OSBPL2: variants seen among roughly 807,000 people sequenced by gnomAD.
OSBPL2 encodes oxysterol-binding protein-related protein 2.
A neutral mutation model predicts 58.4 loss-of-function variants in OSBPL2; 18 were observed. The observed-to-expected ratio is 0.31, with a 90% CI of 0.21 to 0.46. The LOEUF (loss-of-function observed/expected upper bound fraction) is 0.46, where lower values mean the gene tolerates loss of function less well. OSBPL2 is among the 20% of genes least tolerant of loss of function. OSBPL2 has a pLI of 1.00. For synonymous variants in OSBPL2, 221 were observed against 234.1 expected, an observed-to-expected ratio of 0.94 and a Z score of 0.51; for missense variants, 461 against 616.5, an observed-to-expected ratio of 0.75 and a Z score of 2.67.
intron 6 of OSBPL2, chr20:62,278,432 A>G (rs1214390752): frequency 5.9e-6 from 1 of 168,248 alleles, no homozygotes; most frequent in Non-Finnish European, 1.3e-5. Context: ...GTGTGTTGCC[A>G]ACGTTAGGCC....
At chr20:62,241,210 G>T (rs564800868) in intron 1 of OSBPL2, among the ~76,000 whole-genome samples, 3 of 151,130 alleles carry the variant, frequency 2.0e-5, no homozygotes, top group Non-Finnish European at 2.9e-5. Context: ...TCGCTCTGTC[G>T]CCCAGGCTGG....
chr20:62,270,319 G>GCCTCTCTGGGTCCTCTCCTTGTC (rs1981974634), intron 4 of OSBPL2, among the ~76,000 whole-genome samples: 1 of 151,006 alleles, frequency 6.6e-6, no homozygotes, highest in African/African-American at 2.4e-5. Context: ...CTCCCTCCTG[G>GCCTCTCTGGGTCCTCTCCTTGTC]CCTCTCTGGG....
intron 13 of OSBPL2, among the ~76,000 whole-genome samples, chr20:62,292,628 T>C (rs1983593019): frequency 6.6e-6 from 1 of 152,182 alleles, no homozygotes; most frequent in African/African-American, 2.4e-5. Context: ...ATAAGTAAAA[T>C]GTTTTAGTTT....
Position 62,281,063 on chromosome 20 carries a change from A to G in OSBPL2, c.680A>G (p.Asn227Ser). ...GTITLELLKH[N>S]EAYTWTNPTC... is the part of the protein sequence containing the mutation. ...GTTTTCTGGTGTCTTCACAGACATA[A>G]TGAAGCCTACACCTGGACCAACCCC... The change falls in exon 8 of 14, where the codon AAT becomes AGT. Residue 227 changes from asparagine to serine, a missense_variant. This residue lies in a region of OSBPL2 where 319 missense variants were observed against 419.2 expected (regional missense o/e 0.76). Transcript: ENST00000313733. The G allele has an allele frequency of 6.2e-7, 1 of 1,612,782 alleles. No individual in the cohort carries two copies. Among genetic ancestry groups the G allele is most frequent in the Non-Finnish European group, 8.5e-7 (1 of 1,178,770 alleles).
At chr20:62,252,417 G>A (rs561716425) in intron 1 of OSBPL2, among the ~76,000 whole-genome samples, 32 of 152,236 alleles carry the variant, frequency 2.1e-4, no homozygotes, top group African/African-American at 6.3e-4. Context: ...CCCCACGTTC[G>A]CAGGTAGTCG....
intron 12 of OSBPL2, among the ~76,000 whole-genome samples, chr20:62,290,609 A>G (rs1450743856): frequency 6.7e-6 from 1 of 149,770 alleles, no homozygotes; most frequent in Non-Finnish European, 1.5e-5. Context: ...TTTAGTAGAG[A>G]CAGGGTTTCA....
intron 2 of OSBPL2, among the ~76,000 whole-genome samples, chr20:62,258,533 G>C (rs902725162): frequency 9.2e-5 from 14 of 152,262 alleles, no homozygotes; most frequent in African/African-American, 3.1e-4. Flanking sequence ...GGGAGCCGAC[G>C]ATAGGAGATC....
In OSBPL2 at chr20:62,279,264, T is replaced by C. The variant is rs1173993305; in HGVS notation, c.599T>C (p.Ile200Thr). 3 of 1,614,100 alleles carry C rather than the reference T, an allele frequency of 1.9e-6. No homozygotes were observed. Among genetic ancestry groups the C allele is most frequent in the Non-Finnish European group, 2.5e-6 (3 of 1,180,040 alleles). The change falls in exon 7 of 14, where the codon ATC becomes ACC. Residue 200 changes from isoleucine to threonine, a missense_variant. Ile to Thr is a moderately conservative substitution (Grantham distance 89). This residue lies in a region of OSBPL2 where 319 missense variants were observed against 419.2 expected (regional missense o/e 0.76). Transcript: ENST00000313733. ...CATGACTTCCTGTTCCATGGCTCCA[T>C]CTACCCCAAGCTCAAGTTCTGGGGC... is the stretch of plus-strand genomic sequence containing the variant. ...LNHDFLFHGS[I>T]YPKLKFWGKS...
chr20:62,287,522 T>A (rs2145975808), intron 11 of OSBPL2, among the ~76,000 whole-genome samples: 1 of 152,298 alleles, frequency 6.6e-6, no homozygotes, highest in Non-Finnish European at 1.5e-5. Flanking sequence ...AGTGGTGTGA[T>A]CTTGGCTCAC....
At chr20:62,260,660 G>C (rs1981237657) in intron 3 of OSBPL2, among the ~76,000 whole-genome samples, 1 of 152,132 alleles carries the variant, frequency 6.6e-6, no homozygotes, top group African/African-American at 2.4e-5. Context: ...TTTTCATGTA[G>C]GTAGAGTCCA....
chr20:62,241,627 G>A (rs970104060), intron 1 of OSBPL2, among the ~76,000 whole-genome samples: 1 of 152,240 alleles, frequency 6.6e-6, no homozygotes, highest in Non-Finnish European at 1.5e-5. Flanking sequence ...GCCAGACCAG[G>A]GCTCTTGGGT....
At chr20:62,267,338 A>G (rs1173712505) in intron 4 of OSBPL2, among the ~76,000 whole-genome samples, 2 of 152,142 alleles carry the variant, frequency 1.3e-5, no homozygotes, top group Non-Finnish European at 2.9e-5. Flanking sequence ...ATCACCCTTT[A>G]TTGATTGCCG....
intron 1 of OSBPL2, among the ~76,000 whole-genome samples, chr20:62,244,748 G>A (rs948157265): frequency 2.0e-5 from 3 of 152,210 alleles, no homozygotes; most frequent in African/African-American, 4.8e-5. Context: ...GCTAGGCTCC[G>A]CTTCCGGGAC....
intron 2 of OSBPL2, among the ~76,000 whole-genome samples, chr20:62,257,480 CAG>C (rs1981004061): frequency 1.3e-5 from 2 of 152,186 alleles, no homozygotes; most frequent in Admixed American, 6.5e-5. Context: ...GATGCACTCT[CAG>C]AGGAGGGTCC....
intron 2 of OSBPL2, among the ~76,000 whole-genome samples, chr20:62,257,397 G>A (rs1333377191): frequency 3.3e-5 from 5 of 152,176 alleles, no homozygotes; most frequent in East Asian, 1.9e-4. Flanking sequence ...GCTCCTTACC[G>A]GCTTCAAAGG....
At chr20:62,255,053 A>G (rs944866673) in intron 1 of OSBPL2, 1 of 151,646 alleles carries the variant, frequency 6.6e-6, no homozygotes, top group East Asian at 1.9e-4. Flanking sequence ...TCGGATGCTG[A>G]ACACCTCATT....
At chr20:62,274,802 G>A (rs1411533059) in intron 6 of OSBPL2, among the ~76,000 whole-genome samples, 3 of 152,246 alleles carry the variant, frequency 2.0e-5, no homozygotes, top group African/African-American at 4.8e-5. Flanking sequence ...TGGGCTGCAC[G>A]CCTCCCTGCC....
intron 4 of OSBPL2, among the ~76,000 whole-genome samples, chr20:62,266,756 TTC>T (rs1363632534): frequency 3.9e-5 from 6 of 152,240 alleles, no homozygotes; most frequent in Non-Finnish European, 7.3e-5. Flanking sequence ...AGGGTAAGGA[TTC>T]TTTTTTAATG....
intron 10 of OSBPL2, 98 bp from the exon 11 acceptor site, chr20:62,286,485 T>C: frequency 7.6e-7 from 1 of 1,308,324 alleles, no homozygotes; most frequent in South Asian, 1.4e-5. Context: ...CTGGCTCTGC[T>C]CAGGTGACTG....
Sources: allele counts gnomAD v4.1 joint callset (sites outside exome capture counted in the v4.1 genomes callset), GRCh38; gene constraint gnomAD v4.1.1; regional missense constraint gnomAD v4.1.1; transcripts MANE v1.5; gene names NCBI Gene and HGNC (gene_info 2026-07-23, HGNC 2026-07-21).